The following NUDT3 variants were observed in gnomAD, a reference collection of about 807,000 sequenced individuals.
The protein encoded by NUDT3 is diphosphoinositol polyphosphate phosphohydrolase 1.
Under a neutral mutation model 23.6 loss-of-function variants are expected in NUDT3, and 9 were observed. That is an observed-to-expected ratio of 0.38 (90% CI 0.23 to 0.66). NUDT3 has a LOEUF of 0.66. NUDT3 is among the 30% of genes least tolerant of loss of function. NUDT3 has a pLI of 0.52. For missense variants in NUDT3, 172 were observed against 218.5 expected, an observed-to-expected ratio of 0.79 and a Z score of 1.34; for synonymous variants, 86 against 82.6, an observed-to-expected ratio of 1.04 and a Z score of -0.22.
intron 4 of NUDT3, among the ~76,000 whole-genome samples, chr6:34,290,192 T>C (rs1763397195): frequency 6.6e-6 from 1 of 152,098 alleles, no homozygotes. Context: ...GCTTTTTAAT[T>C]TTTGTTACTG....
At chr6:34,391,669 A>G (rs1765201283) in intron 1 of NUDT3, among the ~76,000 whole-genome samples, 1 of 152,178 alleles carries the variant, frequency 6.6e-6, no homozygotes, top group African/African-American at 2.4e-5. Flanking sequence ...AGACTACACC[A>G]TAAAGGCTAC....
At chr6:34,291,283 A>AT (rs1284849955) in intron 4 of NUDT3, among the ~76,000 whole-genome samples, 8 of 152,046 alleles carry the variant, frequency 5.3e-5, no homozygotes, top group Admixed American at 6.5e-5. Flanking sequence ...AAATAATGCT[A>AT]TTTTTTTAAA....
intron 1 of NUDT3, among the ~76,000 whole-genome samples, chr6:34,379,683 T>C (rs1244353617): frequency 1.3e-5 from 2 of 152,006 alleles, no homozygotes; most frequent in Non-Finnish European, 2.9e-5. Context: ...GGTGCTGGGA[T>C]TACAGGCTTG....
intron 1 of NUDT3, among the ~76,000 whole-genome samples, chr6:34,351,229 C>G (rs1429181790): frequency 0.039 from 1,541 of 39,234 alleles, 148 homozygotes; most frequent in African/African-American, 0.12. Context: ...AAAAAAAACA[C>G]TTTGGGAGGC....
At chr6:34,386,655 T>TA (rs902664140) in intron 1 of NUDT3, among the ~76,000 whole-genome samples, 3 of 152,120 alleles carry the variant, frequency 2.0e-5, no homozygotes, top group African/African-American at 7.2e-5. Context: ...ATGGACTATA[T>TA]AACATTTCAG....
chr6:34,308,496 T>C (rs948170197), intron 2 of NUDT3, among the ~76,000 whole-genome samples: 3 of 148,430 alleles, frequency 2.0e-5, no homozygotes, highest in Non-Finnish European at 3.0e-5. Flanking sequence ...ACTGTCAGAG[T>C]GCATCACAAA....
At chr6:34,387,633 A>C (rs1353522402) in intron 1 of NUDT3, among the ~76,000 whole-genome samples, 1 of 150,854 alleles carries the variant, frequency 6.6e-6, no homozygotes, top group African/African-American at 2.4e-5. Flanking sequence ...CCAGGAATTC[A>C]AGACCAGCCT....
intron 2 of NUDT3, among the ~76,000 whole-genome samples, chr6:34,297,705 C>T (rs1763523076): frequency 7.6e-6 from 1 of 131,426 alleles, no homozygotes; most frequent in South Asian, 2.5e-4. Flanking sequence ...CACATCACTA[C>T]ACCCGGCTAA....
intron 2 of NUDT3, among the ~76,000 whole-genome samples, chr6:34,327,254 C>T (rs968896342): frequency 1.3e-5 from 2 of 151,720 alleles, no homozygotes; most frequent in East Asian, 1.9e-4. Context: ...AAAGACAGGC[C>T]GGGCGCGGTG....
chr6:34,376,590 A>G (rs187204448), intron 1 of NUDT3, among the ~76,000 whole-genome samples: 1 of 152,092 alleles, frequency 6.6e-6, no homozygotes, highest in Non-Finnish European at 1.5e-5. Flanking sequence ...TTTATCTTTA[A>G]CATATCATCT....
chr6:34,357,367 T>G (rs1002022947), intron 1 of NUDT3, among the ~76,000 whole-genome samples: 11 of 151,294 alleles, frequency 7.3e-5, no homozygotes, highest in Middle Eastern at 3.2e-3. Flanking sequence ...CCTGTAATCC[T>G]AGCACTTTGG....
rs534010699 is a variant in NUDT3 at position 34,367,485 on chromosome 6, T to C, written c.99+24779A>G. On this transcript the variant is annotated intron_variant, in intron 1 of 4. Transcript: ENST00000607016. ...CGACAAGAGTGAGACTCCATCTCAT[T>C]AAAAAAAAAAAGAAAAAAAAATGTA... Among the ~76,000 whole-genome samples the C allele has an allele frequency of 5.8e-5, 8 of 138,158 alleles. No individual in the cohort carries two copies. The South Asian group carries it at 1.6e-3, about 28-fold the overall frequency. 90.6% of individuals were successfully genotyped at this position (138,158 alleles called of 152,430 possible).
chr6:34,331,473 C>T (rs985957191), intron 2 of NUDT3, among the ~76,000 whole-genome samples: 8 of 152,110 alleles, frequency 5.3e-5, no homozygotes, highest in Non-Finnish European at 1.2e-4. Flanking sequence ...AGCAAAGATA[C>T]AGGGAAATCT....
chr6:34,294,897 G>A (rs1280126977), intron 3 of NUDT3, among the ~76,000 whole-genome samples: 1 of 152,088 alleles, frequency 6.6e-6, no homozygotes, highest in African/African-American at 2.4e-5. Context: ...AAAACGCTGG[G>A]ATTATAGGTG....
At chr6:34,329,331 G>A (rs1367482715) in intron 2 of NUDT3, among the ~76,000 whole-genome samples, 1 of 151,984 alleles carries the variant, frequency 6.6e-6, no homozygotes, top group East Asian at 1.9e-4. Flanking sequence ...CCCAGGCTGG[G>A]GTGCAATGGC....
At chr6:34,376,021 G>A (rs1193555336) in intron 1 of NUDT3, among the ~76,000 whole-genome samples, 1 of 152,016 alleles carries the variant, frequency 6.6e-6, no homozygotes, top group Non-Finnish European at 1.5e-5. Flanking sequence ...CCCTCTCCAA[G>A]GTCCCTGACA....
intron 1 of NUDT3, among the ~76,000 whole-genome samples, chr6:34,383,344 T>C (rs1765055076): frequency 6.6e-6 from 1 of 152,156 alleles, no homozygotes; most frequent in Non-Finnish European, 1.5e-5. Context: ...GATCAACTAA[T>C]TGTATACAAA....
chr6:34,362,644 C>T (rs770506924), intron 1 of NUDT3, among the ~76,000 whole-genome samples: 1 of 151,958 alleles, frequency 6.6e-6, no homozygotes, highest in South Asian at 2.1e-4. Flanking sequence ...TTAGTAGAGA[C>T]GAGGTTTCAC....
At chr6:34,324,827 G>C (rs187480857) in intron 2 of NUDT3, among the ~76,000 whole-genome samples, 1 of 152,250 alleles carries the variant, frequency 6.6e-6, no homozygotes, top group African/African-American at 2.4e-5. Flanking sequence ...TTACCATTTA[G>C]TAACAGCCTC....
Sources: gnomAD v4.1 joint callset for allele counts (sites outside exome capture counted in the v4.1 genomes callset) on GRCh38, gnomAD v4.1.1 for gene constraint, MANE v1.5 for transcripts, NCBI Gene and HGNC (gene_info 2026-07-23, HGNC 2026-07-21) for gene names.